ADAMTSL1: variants seen among roughly 807,000 people sequenced by gnomAD.
ADAMTSL1 encodes ADAMTS-like protein 1.
A neutral mutation model predicts 201.8 loss-of-function variants in ADAMTSL1; 126 were observed. That is an observed-to-expected ratio of 0.62 (90% CI 0.54 to 0.72). ADAMTSL1 has a LOEUF of 0.72. ADAMTSL1 is among the 30% of genes least tolerant of loss of function. The pLI, the probability that ADAMTSL1 is intolerant of heterozygous loss-of-function variation, is 0.00. For synonymous variants in ADAMTSL1, 1,121 were observed against 903.4 expected (o/e 1.24, Z -4.32); for missense variants, 2,679 against 2,277.8 (o/e 1.18, Z -3.59).
At chr9:18,815,711 C>CAAAAA (rs35926602) in intron 20 of ADAMTSL1, among the ~76,000 whole-genome samples, 28 of 67,942 alleles carry the variant, frequency 4.1e-4, no homozygotes, top group East Asian at 1.8e-3. Context: ...AACCCTGTCT[C>CAAAAA]AAAAAAAAAA....
At chr9:18,519,078 T>G (rs1042831819) in intron 2 of ADAMTSL1, among the ~76,000 whole-genome samples, 4 of 152,196 alleles carry the variant, frequency 2.6e-5, no homozygotes, top group African/African-American at 9.7e-5. Context: ...TCCTAAATGT[T>G]ATTTAAAGCC....
At chr9:18,821,244 A>G (rs985986278) in intron 21 of ADAMTSL1, among the ~76,000 whole-genome samples, 2 of 152,104 alleles carry the variant, frequency 1.3e-5, no homozygotes, top group African/African-American at 4.8e-5. Flanking sequence ...AATACAATAG[A>G]AGGTTTATTT....
At chr9:18,522,182 C>G (rs1454390343) in intron 2 of ADAMTSL1, among the ~76,000 whole-genome samples, 1 of 152,092 alleles carries the variant, frequency 6.6e-6, no homozygotes, top group Admixed American at 6.6e-5. Context: ...GAAAAACTAC[C>G]TAACAGGTAC....
intron 2 of ADAMTSL1, among the ~76,000 whole-genome samples, chr9:18,528,441 T>C (rs1819233098): frequency 6.6e-6 from 1 of 152,120 alleles, no homozygotes; most frequent in African/African-American, 2.4e-5. Context: ...ATCATTCAGC[T>C]CCCGCTTGTA....
intron 20 of ADAMTSL1, among the ~76,000 whole-genome samples, chr9:18,808,806 T>G (rs138375080): frequency 2.0e-5 from 3 of 152,196 alleles, no homozygotes; most frequent in Non-Finnish European, 4.4e-5. Context: ...CACCAGACTT[T>G]AGGTCAAAGA....
chr9:17,957,147 G>A (rs545659302), intron 1 of ADAMTSL1, among the ~76,000 whole-genome samples: 4 of 152,160 alleles, frequency 2.6e-5, no homozygotes, highest in South Asian at 2.1e-4. Flanking sequence ...ATTAAAAAAC[G>A]GATGGATATA....
chr9:17,976,131 G>A (rs1818435438), intron 1 of ADAMTSL1, among the ~76,000 whole-genome samples: 1 of 151,942 alleles, frequency 6.6e-6, no homozygotes. Flanking sequence ...CTATTAATTT[G>A]TAATATAATT....
At chr9:18,056,575 T>C (rs80186990) in intron 1 of ADAMTSL1, among the ~76,000 whole-genome samples, 6,997 of 152,176 alleles carry the variant, frequency 0.046, 447 homozygotes, top group African/African-American at 0.14. Context: ...GGTATATTTC[T>C]GTGGGAGGTA....
chr9:17,973,359 A>T (rs1316504148), intron 1 of ADAMTSL1, among the ~76,000 whole-genome samples: 8 of 114,118 alleles, frequency 7.0e-5, no homozygotes, highest in Non-Finnish European at 1.6e-4. Context: ...TAAGGAAGGG[A>T]TCCAGTTTCA....
intron 2 of ADAMTSL1, among the ~76,000 whole-genome samples, chr9:18,529,404 T>G (rs146693300): frequency 7.2e-4 from 110 of 152,310 alleles, no homozygotes; most frequent in African/African-American, 2.5e-3. Flanking sequence ...TCATGTTCCT[T>G]TTCTTATTGT....
At chr9:18,899,518 G>T (rs1198761158) in intron 26 of ADAMTSL1, among the ~76,000 whole-genome samples, 1 of 152,158 alleles carries the variant, frequency 6.6e-6, no homozygotes, top group Non-Finnish European at 1.5e-5. Context: ...GGACAGAGCT[G>T]GAGGCATCAC....
chr9:17,924,783 C>G (rs1826456236), intron 1 of ADAMTSL1, among the ~76,000 whole-genome samples: 1 of 116,278 alleles, frequency 8.6e-6, no homozygotes, highest in East Asian at 2.4e-4. Context: ...CCATTCAGGA[C>G]ATAGGCATGG....
intron 14 of ADAMTSL1, among the ~76,000 whole-genome samples, chr9:18,709,546 G>A (rs1176250690): frequency 6.6e-6 from 1 of 152,188 alleles, no homozygotes; most frequent in Non-Finnish European, 1.5e-5. Flanking sequence ...TAGTAATTTA[G>A]TCTGTAGTTG....
intron 1 of ADAMTSL1, among the ~76,000 whole-genome samples, chr9:18,502,876 T>G (rs1359306649): frequency 3.9e-5 from 6 of 152,128 alleles, no homozygotes; most frequent in African/African-American, 1.4e-4. Context: ...GTACCTCCTG[T>G]AAACTTTCAG....
chr9:18,674,010 G>A (rs1829983059), intron 9 of ADAMTSL1, among the ~76,000 whole-genome samples: 1 of 151,842 alleles, frequency 6.6e-6, no homozygotes, highest in African/African-American at 2.4e-5. Context: ...AGGAACGATT[G>A]AGCTTTCACC....
intron 4 of ADAMTSL1, among the ~76,000 whole-genome samples, chr9:18,575,495 C>T (rs552257059): frequency 6.6e-6 from 1 of 152,276 alleles, no homozygotes; most frequent in East Asian, 1.9e-4. Context: ...AGCAATATAT[C>T]TGAATAAATC....
chr9:17,980,598 A>C lies in ADAMTSL1; in HGVS notation c.87+73676A>C, dbSNP rs191305099. 8.1e-3 allele frequency among the ~76,000 whole-genome samples: 1,228 copies of C among 151,938 alleles called. 9 individuals are homozygous for C. The highest frequency in any genetic ancestry group is 0.012 in the Non-Finnish European group (848 of 67,980). On this transcript the variant is annotated intron_variant, in intron 1 of 29. Coordinates refer to the ADAMTSL1 transcript ENST00000680146. ...ATTCTAACCCCAGCATGATGGTGTG[A>C]TGGGGTTGGGAGGTGGGGTTTTTGG...
At chr9:17,960,800 A>C (rs986397374) in intron 1 of ADAMTSL1, among the ~76,000 whole-genome samples, 14 of 152,234 alleles carry the variant, frequency 9.2e-5, no homozygotes, top group Admixed American at 2.0e-4. Flanking sequence ...ATTTTCCCAG[A>C]GCCTTCCTTT....
intron 2 of ADAMTSL1, among the ~76,000 whole-genome samples, chr9:18,256,930 A>G (rs547339430): frequency 6.6e-6 from 1 of 152,302 alleles, no homozygotes; most frequent in East Asian, 1.9e-4. Context: ...CTGTGCTTGT[A>G]CTTTATCTGC....
Sources: gnomAD v4.1 joint callset for allele counts (sites outside exome capture counted in the v4.1 genomes callset) on GRCh38, gnomAD v4.1.1 for gene constraint, MANE v1.5 for transcripts, NCBI Gene and HGNC (gene_info 2026-07-23, HGNC 2026-07-21) for gene names.